The following PRDM2 variants were observed in gnomAD, a reference collection of about 807,000 sequenced individuals.
PRDM2 encodes PR/SET domain 2, also known as PR domain zinc finger protein 2.
In PRDM2, 30 loss-of-function variants were observed where a neutral mutation model predicts 130.0. The ratio of observed to expected loss-of-function variants is 0.23; its 90% CI spans 0.17 to 0.31. PRDM2 has a LOEUF of 0.31. PRDM2 is among the 10% of genes least tolerant of loss of function. The pLI is 1.00. For missense variants in PRDM2, 2,011 were observed against 2,108.4 expected (o/e 0.95, Z 0.90); for synonymous variants, 871 against 782.4 (o/e 1.11, Z -1.89).
intron 1 of PRDM2, among the ~76,000 whole-genome samples, chr1:13,703,546 A>G (rs1363831124): frequency 6.6e-6 from 1 of 152,216 alleles, no homozygotes; most frequent in Non-Finnish European, 1.5e-5. Context: ...TTGTGACTTT[A>G]TTGAATGGTC....
chr1:13,769,200 C>T lies in PRDM2; in HGVS notation c.512-3878C>T, dbSNP rs2100617475. ...TAAGTGCACTTGTGTGCTTGCCAGG[C>T]CTCCCAGCGGCTCCTGCTCCTCTGC... On this transcript the variant is annotated intron_variant, in intron 6 of 9. Transcript: ENST00000311066. The T allele has an allele frequency of 4.1e-6, 4 of 968,580 alleles. No individual in the cohort carries two copies. In the Middle Eastern group the frequency reaches 1.6e-3, roughly 385 times the overall value. The allele number at this position is 968,580 out of a possible 1,614,324, so 60.0% of individuals were successfully genotyped here.
chr1:13,814,803 A>G (rs1226850705), intron 8 of PRDM2, among the ~76,000 whole-genome samples: 1 of 152,224 alleles, frequency 6.6e-6, no homozygotes, highest in Non-Finnish European at 1.5e-5. Context: ...CACCTGGAGC[A>G]GGTAGGGTTC....
At position 13,739,107 on chromosome 1, in the gene PRDM2, C is replaced by T. The variant is rs540955107; in HGVS notation, c.232-2898C>T. On this transcript the variant is annotated intron_variant, in intron 4 of 9. Coordinates refer to ENST00000311066, the MANE Select transcript of PRDM2 (RefSeq NM_001393986.1). ...TGTCGCCCAGGCTGGAGTGCAGTGA[C>T]GCGATCTTGGCTCACTGCAAGCTCT... Among the ~76,000 whole-genome samples, 403 of 151,408 alleles carry T rather than the reference C, an allele frequency of 2.7e-3. 1 individual carries two copies. Among genetic ancestry groups the T allele is most frequent in the Non-Finnish European group, 4.4e-3 (298 of 67,874 alleles).
chr1:13,804,589 T>TC (rs1645059221), intron 8 of PRDM2, among the ~76,000 whole-genome samples: 2 of 150,978 alleles, frequency 1.3e-5, no homozygotes, highest in Admixed American at 1.3e-4. Context: ...ACCAACAAGC[T>TC]CCGGGGGGGG....
In PRDM2 at chr1:13,742,035, A is replaced by G. The variant is rs1328268401; in HGVS notation, c.262A>G (p.Ile88Val). 6.9e-6 allele frequency: 11 copies of G among 1,589,782 alleles called. No homozygotes were observed. The South Asian group carries it at 1.1e-4, about 16-fold the overall frequency. ...TTACCCAAATTTGGGATGGATGTGCATTGATGCCACTGATCCAGAGAAGGG... is the reference window on the plus strand; with the variant it reads ...TTACCCAAATTTGGGATGGATGTGCGTTGATGCCACTGATCCAGAGAAGGG... ...VYYPNLGWMC[I>V]DATDPEKGNW... The change falls in exon 5 of 10, where the codon ATT becomes GTT. Residue 88 changes from isoleucine (I) to valine (V), a missense_variant. By Grantham distance (29) the Ile-to-Val change is conservative (BLOSUM62 3). This residue lies in a region of PRDM2 where 5 missense variants were observed against 17.1 expected (regional missense o/e 0.29). Coordinates refer to ENST00000311066, the MANE Select transcript of PRDM2 (RefSeq NM_001393986.1).
In PRDM2 at chr1:13,731,103, A is replaced by G. The variant is rs769279302; in HGVS notation, c.113A>G (p.Asp38Gly). ...GTGAGGCTTTTCCCTTCTGCTGTTG[A>G]CAAGACCCGGATTGGTGAGTGCTCC... ...EEVRLFPSAV[D>G]KTRIGVWATK... The change falls in exon 3 of 10, where the codon GAC becomes GGC. Residue 38 changes from aspartate (D) to glycine (G), a missense_variant. Asp to Gly is a moderately conservative substitution (Grantham distance 94). Transcript: ENST00000311066. The G allele has an allele frequency of 1.2e-5, 20 of 1,612,568 alleles. No homozygotes were observed. The highest frequency in any genetic ancestry group is 1.7e-5 in the Non-Finnish European group (20 of 1,179,590).
At position 13,824,574 on chromosome 1, in the gene PRDM2, C is replaced by A. The variant is rs1402473799; in HGVS notation, c.*1439C>A. 1 of 152,172 alleles carries A rather than the reference C, an allele frequency of 6.6e-6. No individual in the cohort carries two copies. The highest frequency in any genetic ancestry group is 6.5e-5 in the Admixed American group (1 of 15,282). 9.4% of individuals were successfully genotyped at this position (152,172 alleles called of 1,614,324 possible). A position where few individuals can be genotyped will look rare whatever the true frequency, so the allele number is the denominator to read the frequency against. ...CAGAAAAATGGTGGTCATTGGCCGA[C>A]ATCACAGTTTTCCTGTTTCCCACCC... is the stretch of plus-strand genomic sequence containing the variant. On this transcript the variant is annotated 3_prime_UTR_variant, in exon 10 of 10. Transcript: ENST00000311066.
intron 4 of PRDM2, among the ~76,000 whole-genome samples, chr1:13,741,732 G>GTGTC (rs954430390): frequency 1.1e-4 from 11 of 102,960 alleles, no homozygotes; most frequent in African/African-American, 2.7e-4. Context: ...GTGTGTGTGT[G>GTGTC]TGTGTGTGTG....
rs185063623 is a variant in PRDM2 at position 13,764,623 on chromosome 1, C to T, written c.512-8455C>T. Among the ~76,000 whole-genome samples, 13 of 152,358 alleles carry T rather than the reference C, an allele frequency of 8.5e-5. No individual in the cohort carries two copies. The East Asian group carries it at 2.5e-3, about 29-fold the overall frequency. Reference sequence around the variant, plus strand: ...TCCCTTCCGATGGATCTTTGCTATTCTCCTATCAGCCTGACATTTGGAAGA... The same window carrying T: ...TCCCTTCCGATGGATCTTTGCTATTTTCCTATCAGCCTGACATTTGGAAGA... On this transcript the variant is annotated intron_variant, in intron 6 of 9. Transcript: ENST00000311066.
intron 8 of PRDM2, among the ~76,000 whole-genome samples, chr1:13,813,307 G>A (rs897940662): frequency 6.6e-6 from 1 of 152,174 alleles, no homozygotes; most frequent in African/African-American, 2.4e-5. Context: ...CCCTGGAGAA[G>A]CACCCAATTC....
rs145948204 is a variant in PRDM2 at position 13,716,665 on chromosome 1, G to A, written c.9+1051G>A. Among the ~76,000 whole-genome samples, 44 of 152,254 alleles carry A rather than the reference G, an allele frequency of 2.9e-4. No individual in the cohort carries two copies. In the East Asian group the frequency reaches 7.5e-3, roughly 26 times the overall value. ...GCTATGGATATTTTCATAGCTTCAA[G>A]GGTGTTCTGATAAGTAGAGCCAGTT... On this transcript the variant is annotated intron_variant, in intron 2 of 9. Coordinates refer to ENST00000311066, the MANE Select transcript of PRDM2 (RefSeq NM_001393986.1).
chr1:13,791,610 C>T lies in PRDM2; in HGVS notation c.5036+8779C>T, dbSNP rs117119711. ...TACATGCAAAACAAACAGGTATTTA[C>T]GTTCTGCCGATACCTTATTTTTAAA... On this transcript the variant is annotated intron_variant, in intron 8 of 9. Transcript: ENST00000311066. 2.2e-3 allele frequency among the ~76,000 whole-genome samples: 335 copies of T among 152,244 alleles called. 7 individuals carry two copies. In the South Asian group the frequency reaches 0.048, roughly 22 times the overall value.
chr1:13,749,440 A>C lies in PRDM2; in HGVS notation c.464A>C (p.Glu155Ala), dbSNP rs749532757. The C allele has an allele frequency of 6.6e-7, 1 of 1,511,114 alleles. No individual in the cohort carries two copies. Among genetic ancestry groups the C allele is most frequent in the East Asian group, 2.7e-5 (1 of 36,592 alleles). 93.6% of individuals were successfully genotyped at this position (1,511,114 alleles called of 1,614,324 possible). The change falls in exon 6 of 10, where the codon GAG becomes GCG. Residue 155 changes from glutamate to alanine, a missense_variant. Physicochemically the swap from Glu to Ala is moderately radical, Grantham distance 107 (BLOSUM62 -1). Around this residue, in one of 5 missense-constraint regions of PRDM2, gnomAD observed 1,288 missense variants for 1,237.7 expected, o/e 1.04. Transcript: ENST00000311066. ...NPEIAAAIEE[E>A]RASARSKRSS... ...GAGATAGCAGCTGCGATTGAGGAAG[A>C]GCGAGCCAGCGCCCGGAGCAAGCGG...
intron 9 of PRDM2, among the ~76,000 whole-genome samples, chr1:13,822,498 C>T (rs1645369108): frequency 6.6e-6 from 1 of 151,710 alleles, no homozygotes; most frequent in African/African-American, 2.4e-5. Context: ...CAGGTTCACG[C>T]CATTCTCCTG....
At chr1:13,822,856 C>T (rs567663965) in intron 9 of PRDM2, among the ~76,000 whole-genome samples, 3 of 152,230 alleles carry the variant, frequency 2.0e-5, no homozygotes, top group South Asian at 2.1e-4. Context: ...TGGGTGAAAT[C>T]AGTCTATGCT....
At chr1:13,792,765 G>T (rs890119368) in intron 8 of PRDM2, among the ~76,000 whole-genome samples, 2 of 152,194 alleles carry the variant, frequency 1.3e-5, no homozygotes, top group African/African-American at 4.8e-5. Flanking sequence ...TTGAGGATGC[G>T]CCTGGAGTGT....
chr1:13,736,700 TATTA>T (rs1441709346), intron 4 of PRDM2, among the ~76,000 whole-genome samples: 1 of 152,206 alleles, frequency 6.6e-6, no homozygotes, highest in African/African-American at 2.4e-5. Flanking sequence ...AGGACTGTAC[TATTA>T]ATTATTTATA....
chr1:13,802,079 C>T (rs969087003), intron 8 of PRDM2, among the ~76,000 whole-genome samples: 9 of 152,206 alleles, frequency 5.9e-5, no homozygotes, highest in South Asian at 2.1e-4. Flanking sequence ...TTGGGGATCA[C>T]GAGCAGAAAG....
rs138768059 is a variant in PRDM2, at chr1:13,780,841, G to A, written c.3046G>A (p.Ala1016Thr). Residue 1016 changes from alanine to threonine, a missense_variant, in exon 8 of 10, where the codon GCA (alanine) becomes ACA (threonine). Physicochemically the swap from Ala to Thr is moderately conservative, Grantham distance 58. Around this residue, in one of 5 missense-constraint regions of PRDM2, gnomAD observed 1,288 missense variants for 1,237.7 expected, o/e 1.04. Coordinates refer to ENST00000311066, the MANE Select transcript of PRDM2 (RefSeq NM_001393986.1). ...PCPSPLSNATAQSPLPILSPT... is the reference protein window; with the variant it reads ...PCPSPLSNATTQSPLPILSPT... ...CCCCTCTCCACTCTCAAATGCCACC[G>A]CACAGTCCCCACTTCCAATTCTGTC... 6 of 1,579,250 alleles carry A rather than the reference G, an allele frequency of 3.8e-6. No homozygotes were observed. Among genetic ancestry groups the A allele is most frequent in the East Asian group, 2.3e-5 (1 of 43,246 alleles).
Sources: allele counts gnomAD v4.1 joint callset (sites outside exome capture counted in the v4.1 genomes callset), GRCh38; gene constraint gnomAD v4.1.1; regional missense constraint gnomAD v4.1.1; transcripts MANE v1.5; gene names NCBI Gene and HGNC (gene_info 2026-07-23, HGNC 2026-07-21).